The following WIPF3 variants were observed in gnomAD, a reference collection of about 807,000 sequenced individuals.
WIPF3 encodes WAS/WASL interacting protein family member 3, also known as WAS/WASL-interacting protein family member 3.
Under a neutral mutation model 38.9 loss-of-function variants are expected in WIPF3, and 33 were observed. The observed-to-expected ratio is 0.85, with a 90% CI of 0.64 to 1.14. The LOEUF is 1.14. Ranked by LOEUF, WIPF3 falls within the 50% of genes most tolerant of loss-of-function variation. The pLI is 0.00. For synonymous variants in WIPF3, 324 were observed against 269.3 expected (o/e 1.20, Z -1.99); for missense variants, 711 against 652.5 (o/e 1.09, Z -0.98).
At chr7:29,858,528 C>G (rs929377023) in intron 2 of WIPF3, among the ~76,000 whole-genome samples, 1 of 152,214 alleles carries the variant, frequency 6.6e-6, no homozygotes, top group Non-Finnish European at 1.5e-5. Flanking sequence ...AATACACCCC[C>G]CTTATTCTGT....
chr7:29,915,365 T>C lies in WIPF3; in HGVS notation c.*849T>C, dbSNP rs948635748. The stretch of plus-strand genomic sequence containing the variant: ...AAACATACACAACTCATCATTATGC[T>C]AAACTACCAGTTGTATCTCAGAGGT... On this transcript the variant is annotated 3_prime_UTR_variant, in exon 9 of 9. Coordinates refer to ENST00000242140, the MANE Select transcript of WIPF3 (RefSeq NM_001080529.3). The C allele has an allele frequency of 6.6e-6, 1 of 152,224 alleles. No homozygotes were observed. Among genetic ancestry groups the C allele is most frequent in the Non-Finnish European group, 1.5e-5 (1 of 68,036 alleles). The allele number at this position is 152,224 out of a possible 1,614,324, so 9.4% of individuals were successfully genotyped here.
At chr7:29,914,414 T>G (rs1359048744) in intron 8 of WIPF3, 79 bp from the exon 9 acceptor site, 1 of 1,204,060 alleles carries the variant, frequency 8.3e-7, no homozygotes, top group African/African-American at 1.6e-5. Context: ...CCAGCCTGTT[T>G]GGGGGGGTGG....
Position 29,823,217 on chromosome 7 carries a change from TGCCAGAGAA to T in WIPF3, c.-57-11447_-57-11439del, listed in dbSNP as rs1227184241. Among the ~76,000 whole-genome samples the T allele has an allele frequency of 6.6e-6, 1 of 152,206 alleles. No homozygotes were observed. Among genetic ancestry groups the T allele is most frequent in the East Asian group, 1.9e-4 (1 of 5,200 alleles). On this transcript the variant is annotated intron_variant, in intron 1 of 8. Transcript: ENST00000242140. The surrounding 1 kb of genome is among the most constrained non-coding windows in gnomAD (Gnocchi z 4.0). ...TCTTTGATTGCCTTGCTTTTTGTCA[TGCCAGAGAA>T]GCCTTTTCTAGTGTGCACTGTAAGC...
intron 5 of WIPF3, among the ~76,000 whole-genome samples, chr7:29,885,217 G>T (rs1445903838): frequency 1.3e-5 from 2 of 152,206 alleles, no homozygotes; most frequent in African/African-American, 4.8e-5. Flanking sequence ...TGCAGCACAG[G>T]TTATTTGAAT....
chr7:29,897,197 C>T (rs576953454), intron 7 of WIPF3, among the ~76,000 whole-genome samples: 16 of 152,170 alleles, frequency 1.1e-4, no homozygotes, highest in Non-Finnish European at 2.2e-4. Context: ...AGTATTCCAT[C>T]GTATGGATGT....
chr7:29,884,468 C>T lies in WIPF3; in HGVS notation c.974C>T (p.Pro325Leu), dbSNP rs768465541. The stretch of plus-strand genomic sequence containing the variant: ...AATAGCAGCAGTGAAACTCCACCCC[C>T]GCTACCCCCTAAATCCCCCAGCTTC... ...GVNSSSETPP[P>L]LPPKSPSFQA... The change falls in exon 5 of 9, where the codon CCG becomes CTG. Residue 325 changes from proline to leucine, a missense_variant. Coordinates refer to ENST00000242140, the MANE Select transcript of WIPF3 (RefSeq NM_001080529.3). 2 of 1,561,446 alleles carry T rather than the reference C, an allele frequency of 1.3e-6. No individual in the cohort carries two copies. Among genetic ancestry groups the T allele is most frequent in the Admixed American group, 1.9e-5 (1 of 53,264 alleles).
At chr7:29,814,262 C>T (rs972835325) in intron 1 of WIPF3, among the ~76,000 whole-genome samples, 4 of 152,114 alleles carry the variant, frequency 2.6e-5, no homozygotes, top group Admixed American at 2.0e-4. Flanking sequence ...ATACCCTGTG[C>T]TTTATTATTA....
At chr7:29,855,623 A>T (rs1026861105) in intron 2 of WIPF3, among the ~76,000 whole-genome samples, 1 of 151,696 alleles carries the variant, frequency 6.6e-6, no homozygotes, top group Non-Finnish European at 1.5e-5. Flanking sequence ...TGCTGGAGTG[A>T]TGGGGCTCAG....
chr7:29,883,870 C>T lies in WIPF3; in HGVS notation c.376C>T (p.Pro126Ser), dbSNP rs1785774436. Residue 126 changes from proline to serine, a missense_variant, in exon 5 of 9, where the codon CCT (proline) becomes TCT (serine). By Grantham distance (74) the Pro-to-Ser change is moderately conservative (BLOSUM62 -1). Coordinates refer to ENST00000242140, the MANE Select transcript of WIPF3 (RefSeq NM_001080529.3). Reference sequence around the variant, plus strand: ...TCCAGGTGGCAAGACAGGGCAGGGCCCTGGCTCCCGCGCGCCCTCTCCCAG... The same window carrying T: ...TCCAGGTGGCAAGACAGGGCAGGGCTCTGGCTCCCGCGCGCCCTCTCCCAG... ...DVAGGKTGQGPGSRAPSPRLP... is the reference protein window; with the variant it reads ...DVAGGKTGQGSGSRAPSPRLP... 3 of 1,563,462 alleles carry T rather than the reference C, an allele frequency of 1.9e-6. No individual in the cohort carries two copies. Among genetic ancestry groups the T allele is most frequent in the Non-Finnish European group, 2.6e-6 (3 of 1,151,088 alleles).
chr7:29,854,727 G>A (rs998608550), intron 2 of WIPF3, among the ~76,000 whole-genome samples: 2 of 152,124 alleles, frequency 1.3e-5, no homozygotes, highest in South Asian at 2.1e-4. Context: ...AGCTTCTTGT[G>A]GGCTGAATTA....
intron 4 of WIPF3, among the ~76,000 whole-genome samples, chr7:29,881,971 C>T (rs1296410706): frequency 3.3e-5 from 5 of 152,202 alleles, no homozygotes; most frequent in South Asian, 4.1e-4. Context: ...AGCTCTCTGT[C>T]GGCCCAGGCC....
chr7:29,875,751 A>G, intron 2 of WIPF3, 79 bp from the exon 3 acceptor site: 1 of 1,559,154 alleles, frequency 6.4e-7, no homozygotes, highest in Non-Finnish European at 8.8e-7. Flanking sequence ...GAACTGCAAG[A>G]GGAGAAACTG....
In WIPF3 at chr7:29,877,263, T is replaced by G. The variant is rs564322904; in HGVS notation, c.223+1301T>G. Reference sequence around the variant, plus strand: ...GAAGCAGATGACTCTGGAGGAAACATTTTTAAAAGCCAGCTAGCAGAATGC... The same window carrying G: ...GAAGCAGATGACTCTGGAGGAAACAGTTTTAAAAGCCAGCTAGCAGAATGC... On this transcript the variant is annotated intron_variant, in intron 3 of 8. Transcript: ENST00000242140. Among the ~76,000 whole-genome samples, 12 of 152,326 alleles carry G rather than the reference T, an allele frequency of 7.9e-5. No homozygotes were observed. The East Asian group carries it at 2.3e-3, about 29-fold the overall frequency.
At chr7:29,869,320 G>A (rs563046980) in intron 2 of WIPF3, among the ~76,000 whole-genome samples, 19 of 152,206 alleles carry the variant, frequency 1.2e-4, no homozygotes, top group African/African-American at 2.4e-4. Context: ...GAGCCACTGC[G>A]CCCCACCTGT....
At chr7:29,911,562 A>G (rs1286673516) in intron 8 of WIPF3, among the ~76,000 whole-genome samples, 1 of 152,182 alleles carries the variant, frequency 6.6e-6, no homozygotes, top group Non-Finnish European at 1.5e-5. Context: ...TGGTATAAAG[A>G]CAGACATATA....
intron 2 of WIPF3, among the ~76,000 whole-genome samples, chr7:29,865,083 C>T (rs754708918): frequency 6.6e-6 from 1 of 152,146 alleles, no homozygotes; most frequent in Non-Finnish European, 1.5e-5. Context: ...TGCACTACAA[C>T]TTATGTGGTA....
chr7:29,835,249 CACA>C (rs1784782781), intron 2 of WIPF3, among the ~76,000 whole-genome samples: 1 of 152,046 alleles, frequency 6.6e-6, no homozygotes, highest in Non-Finnish European at 1.5e-5. Flanking sequence ...TAGGAAATGC[CACA>C]ACGAGATATA....
At chr7:29,827,870 C>T (rs1761946708) in intron 1 of WIPF3, among the ~76,000 whole-genome samples, 1 of 152,206 alleles carries the variant, frequency 6.6e-6, no homozygotes, top group South Asian at 2.1e-4. Flanking sequence ...TCGCAGCTTA[C>T]TGCAGCCTTG....
intron 7 of WIPF3, among the ~76,000 whole-genome samples, chr7:29,893,644 T>C (rs1786072092): frequency 6.6e-6 from 1 of 152,194 alleles, no homozygotes; most frequent in African/African-American, 2.4e-5. Context: ...CACCAAGTTG[T>C]AAATCAAGAA....
Sources: gnomAD v4.1 joint callset for allele counts (sites outside exome capture counted in the v4.1 genomes callset) on GRCh38, gnomAD v4.1.1 for gene constraint, Gnocchi (gnomAD v3.1) non-coding constraint, MANE v1.5 for transcripts, NCBI Gene and HGNC (gene_info 2026-07-23, HGNC 2026-07-21) for gene names.